Variants in ARID1B observed in about 807,000 individuals in gnomAD.
The protein encoded by ARID1B is AT-rich interaction domain 1B.
In ARID1B, 30 loss-of-function variants were observed where a neutral mutation model predicts 212.3. The observed-to-expected ratio is 0.14, with a 90% CI of 0.11 to 0.19. ARID1B has a LOEUF of 0.19. ARID1B is among the 10% of genes least tolerant of loss of function. The pLI, the probability that ARID1B is intolerant of heterozygous loss-of-function variation, is 1.00. For synonymous variants in ARID1B, 1,402 were observed against 1,301.7 expected, an observed-to-expected ratio of 1.08 and a Z score of -1.66; for missense variants, 2,891 against 3,204.0, an observed-to-expected ratio of 0.90 and a Z score of 2.36.
intron 6 of ARID1B, among the ~76,000 whole-genome samples, chr6:157,114,906 TC>T (rs1180860874): frequency 6.6e-6 from 1 of 152,062 alleles, no homozygotes; most frequent in East Asian, 1.9e-4. Context: ...GGAGCCTAAG[TC>T]CCCCCAGTTT....
chr6:157,148,179 G>A lies in ARID1B; in HGVS notation c.2762-445G>A, dbSNP rs548879538. Among the ~76,000 whole-genome samples, 6 of 152,170 alleles carry A rather than the reference G, an allele frequency of 3.9e-5. No individual in the cohort carries two copies. The highest frequency in any genetic ancestry group is 3.9e-4 in the Admixed American group (6 of 15,292). On this transcript the variant is annotated intron_variant, in intron 7 of 19. Transcript: ENST00000636930. The surrounding 1 kb of genome is among the most constrained non-coding windows in gnomAD (Gnocchi z 5.6). ...ACCATATGTGCATGTCGTCTTACAC[G>A]TTGTCTTTTTGAGCCCTTTCACATG... is the stretch of plus-strand genomic sequence containing the variant.
chr6:156,800,666 G>T lies in ARID1B; in HGVS notation c.1791+21195G>T, dbSNP rs553222235. 7.7e-4 allele frequency among the ~76,000 whole-genome samples: 117 copies of T among 152,250 alleles called. 1 individual carries two copies. The highest frequency in any genetic ancestry group is 2.6e-3 in the African/African-American group (108 of 41,544). ...TCATACCTGTAATTCCAGCATTTTG[G>T]GAGGCTGAGGCGGGAGCATCACTTG... On this transcript the variant is annotated intron_variant, in intron 1 of 19. Transcript: ENST00000636930.
chr6:156,841,760 C>G (rs1783917266), intron 2 of ARID1B, among the ~76,000 whole-genome samples: 1 of 152,178 alleles, frequency 6.6e-6, no homozygotes, highest in African/African-American at 2.4e-5. Context: ...ATAACAGCCT[C>G]TGAGACAGGC....
intron 5 of ARID1B, among the ~76,000 whole-genome samples, chr6:157,089,997 T>G (rs1484493533): frequency 1.3e-5 from 2 of 152,210 alleles, no homozygotes; most frequent in African/African-American, 4.8e-5. Flanking sequence ...TGGGCCTGAT[T>G]GCCCCTAATG....
chr6:156,797,215 A>G (rs982332397), intron 1 of ARID1B, among the ~76,000 whole-genome samples: 1 of 152,224 alleles, frequency 6.6e-6, no homozygotes, highest in South Asian at 2.1e-4. Flanking sequence ...CCCTACTTTC[A>G]TAAGGCTTAC....
intron 1 of ARID1B, among the ~76,000 whole-genome samples, chr6:156,821,772 C>T (rs1452132194): frequency 6.6e-6 from 1 of 152,204 alleles, no homozygotes; most frequent in East Asian, 1.9e-4. Flanking sequence ...ACTCCTCTGA[C>T]ACTGTATGCT....
intron 4 of ARID1B, among the ~76,000 whole-genome samples, chr6:157,005,132 T>TTG (rs546344910): frequency 1.4e-3 from 202 of 148,942 alleles, no homozygotes; most frequent in African/African-American, 4.8e-3. Context: ...CAGGCTGTTT[T>TTG]TTGTTGTTGT....
rs1792811644 is a variant in ARID1B, at chr6:157,184,410, G to A, written c.3894G>A (p.Gln1298=). ...EVFSTGDTKK[Q]PKLQPPSPAN... The stretch of plus-strand genomic sequence containing the variant: ...TCAGCACCGGGGACACCAAAAAGCA[G>A]CCCAAGCTCCAGCCGCCATCTCCTG... Residue 1298 remains glutamine (Q), a synonymous_variant, in exon 13 of 20, where the codon CAG becomes CAA. Coordinates refer to ENST00000636930, the MANE Select transcript of ARID1B (RefSeq NM_001374828.1). 1 of 1,613,976 alleles carries A rather than the reference G, an allele frequency of 6.2e-7. No individual in the cohort carries two copies. The highest frequency in any genetic ancestry group is 1.3e-5 in the African/African-American group (1 of 74,936).
chr6:157,008,652 G>A (rs1459674360), intron 4 of ARID1B, among the ~76,000 whole-genome samples: 1 of 152,174 alleles, frequency 6.6e-6, no homozygotes, highest in Non-Finnish European at 1.5e-5. Context: ...ATGTGACTTT[G>A]AGTTGGGTGG....
intron 15 of ARID1B, chr6:157,194,492 A>G (rs939274321): frequency 2.0e-5 from 3 of 152,264 alleles, no homozygotes; most frequent in African/African-American, 4.8e-5. Flanking sequence ...GCAATACTGT[A>G]TAACGATGAA....
rs186035076 is a variant in ARID1B at position 157,110,394 on chromosome 6, C to T, written c.2492-78C>T. ...TTGTGATCATAAAAATTAAATGTGGCTGTGTCTTGGTTTTGCATGACTGCA... is the reference window on the plus strand; with the variant it reads ...TTGTGATCATAAAAATTAAATGTGGTTGTGTCTTGGTTTTGCATGACTGCA... On this transcript the variant is annotated intron_variant, in intron 5 of 19. Coordinates refer to ENST00000636930, the MANE Select transcript of ARID1B (RefSeq NM_001374828.1). 8 of 1,231,512 alleles carry T rather than the reference C, an allele frequency of 6.5e-6. No individual in the cohort carries two copies. In the East Asian group the frequency reaches 1.4e-4, roughly 22 times the overall value. 76.3% of individuals were successfully genotyped at this position (1,231,512 alleles called of 1,614,324 possible). A position where few individuals can be genotyped will look rare whatever the true frequency, so the allele number is the denominator to read the frequency against.
intron 2 of ARID1B, among the ~76,000 whole-genome samples, chr6:156,868,853 G>T (rs1583187033): frequency 6.6e-6 from 1 of 152,136 alleles, no homozygotes; most frequent in Non-Finnish European, 1.5e-5. Context: ...GACAATTTTT[G>T]TCAATTTTTA....
At chr6:157,120,560 T>A (rs1342718799) in intron 6 of ARID1B, among the ~76,000 whole-genome samples, 2 of 152,198 alleles carry the variant, frequency 1.3e-5, no homozygotes, top group African/African-American at 4.8e-5. Context: ...CATAGTTAAA[T>A]GTAACGAGAA....
chr6:156,808,310 TAAA>T (rs36071241), intron 1 of ARID1B, among the ~76,000 whole-genome samples: 1 of 152,000 alleles, frequency 6.6e-6, no homozygotes, highest in Non-Finnish European at 1.5e-5. Context: ...ATGTAGATCT[TAAA>T]ATACTTCAGA....
intron 2 of ARID1B, among the ~76,000 whole-genome samples, chr6:156,885,150 A>G (rs1787405887): frequency 6.6e-6 from 1 of 152,034 alleles, no homozygotes; most frequent in East Asian, 1.9e-4. Context: ...TAATTTCAGA[A>G]CTAAAATATT....
At chr6:157,093,125 T>A (rs1310833632) in intron 5 of ARID1B, among the ~76,000 whole-genome samples, 1 of 152,204 alleles carries the variant, frequency 6.6e-6, no homozygotes, top group Admixed American at 6.5e-5. Context: ...TACAAAAGCT[T>A]TTATGAACTA....
chr6:156,855,939 C>T (rs1391265455), intron 2 of ARID1B, among the ~76,000 whole-genome samples: 2 of 152,166 alleles, frequency 1.3e-5, no homozygotes, highest in South Asian at 4.1e-4. Flanking sequence ...GGTTTGTTCT[C>T]TGTTATCAAA....
chr6:156,921,616 T>C (rs1790809801), intron 3 of ARID1B, among the ~76,000 whole-genome samples: 2 of 152,234 alleles, frequency 1.3e-5, no homozygotes, highest in Non-Finnish European at 1.5e-5. Context: ...TGCTAAGTTC[T>C]TTTTAGTATA....
At chr6:156,788,651 T>C (rs751754010) in intron 1 of ARID1B, among the ~76,000 whole-genome samples, 3 of 152,222 alleles carry the variant, frequency 2.0e-5, no homozygotes, top group Non-Finnish European at 4.4e-5. Context: ...CTGTGTTTGC[T>C]TCATCTTCAC....
Sources: gnomAD v4.1 joint callset for allele counts (sites outside exome capture counted in the v4.1 genomes callset) on GRCh38, gnomAD v4.1.1 for gene constraint, Gnocchi (gnomAD v3.1) non-coding constraint, MANE v1.5 for transcripts, NCBI Gene and HGNC (gene_info 2026-07-23, HGNC 2026-07-21) for gene names.